Variants in SLC35F1 observed in about 807,000 individuals in gnomAD.
SLC35F1 encodes the protein chromosome 6 open reading frame 169.
Under a neutral mutation model 48.7 loss-of-function variants are expected in SLC35F1, and 14 were observed. The observed-to-expected ratio is 0.29, with a 90% CI of 0.19 to 0.45. The LOEUF (loss-of-function observed/expected upper bound fraction) is 0.45. Ranked by LOEUF, SLC35F1 falls within the 20% of genes least tolerant of loss-of-function variation. The probability of loss-of-function intolerance (pLI) is 1.00; values close to 1 mark genes in which losing one functional copy is unlikely to be tolerated. For missense variants in SLC35F1, 404 were observed against 500.0 expected, an observed-to-expected ratio of 0.81 and a Z score of 1.83; for synonymous variants, 190 against 202.2, an observed-to-expected ratio of 0.94 and a Z score of 0.51.
chr6:118,214,518 C>T (rs529988316), intron 2 of SLC35F1, among the ~76,000 whole-genome samples: 31 of 152,112 alleles, frequency 2.0e-4, no homozygotes, highest in African/African-American at 5.3e-4. Flanking sequence ...AGTCACCTTA[C>T]GCCAACCTTT....
intron 1 of SLC35F1, among the ~76,000 whole-genome samples, chr6:117,973,547 T>TTTTG (rs1215596149): frequency 6.6e-6 from 1 of 151,688 alleles, no homozygotes; most frequent in Non-Finnish European, 1.5e-5. Flanking sequence ...TTTATTATTA[T>TTTTG]TTTGTTTATT....
Position 117,930,950 on chromosome 6 carries a change from G to A in SLC35F1, c.173+23051G>A, listed in dbSNP as rs547983873. 9.2e-5 allele frequency among the ~76,000 whole-genome samples: 14 copies of A among 152,278 alleles called. No homozygotes were observed. The South Asian group carries it at 2.3e-3, about 25-fold the overall frequency. ...ATTAAAGGCATTGGTTCTGGGTCAGGCCATCTGAACTTGAGTCCTTTACCT... is the reference window on the plus strand; with the variant it reads ...ATTAAAGGCATTGGTTCTGGGTCAGACCATCTGAACTTGAGTCCTTTACCT... On this transcript the variant is annotated intron_variant, in intron 1 of 7. Coordinates refer to ENST00000360388, the MANE Select transcript of SLC35F1 (RefSeq NM_001029858.4).
chr6:117,908,632 G>T (rs1284826007), intron 1 of SLC35F1, among the ~76,000 whole-genome samples: 1 of 152,262 alleles, frequency 6.6e-6, no homozygotes, highest in African/African-American at 2.4e-5. Context: ...CTGCGTAGTG[G>T]ATTCAGGACG....
chr6:118,249,192 C>T (rs1191671863), intron 3 of SLC35F1, among the ~76,000 whole-genome samples: 1 of 152,338 alleles, frequency 6.6e-6, no homozygotes, highest in Non-Finnish European at 1.5e-5. Context: ...ACCCTCCAGG[C>T]AGGTTCGAAG....
chr6:117,983,404 G>A (rs1351618619), intron 1 of SLC35F1, among the ~76,000 whole-genome samples: 3 of 151,998 alleles, frequency 2.0e-5, no homozygotes, highest in East Asian at 1.9e-4. Flanking sequence ...GTGAAATCCC[G>A]TCTCTACTAA....
At chr6:117,926,319 C>A (rs1423060909) in intron 1 of SLC35F1, among the ~76,000 whole-genome samples, 1 of 152,044 alleles carries the variant, frequency 6.6e-6, no homozygotes, top group East Asian at 1.9e-4. Context: ...TGCTTTCTAC[C>A]GTAATTATAA....
At chr6:118,220,864 G>C (rs927162620) in intron 2 of SLC35F1, among the ~76,000 whole-genome samples, 5 of 152,166 alleles carry the variant, frequency 3.3e-5, no homozygotes, top group Non-Finnish European at 7.3e-5. Context: ...GCTTGGCATT[G>C]TCGAATGCCT....
chr6:118,240,050 A>C (rs1251891993), intron 3 of SLC35F1, among the ~76,000 whole-genome samples: 4 of 152,238 alleles, frequency 2.6e-5, no homozygotes, highest in Non-Finnish European at 5.9e-5. Context: ...TTGAACACAT[A>C]GTATGTGTTT....
chr6:118,018,383 A>C (rs1381805236), intron 1 of SLC35F1, among the ~76,000 whole-genome samples: 1 of 152,158 alleles, frequency 6.6e-6, no homozygotes, highest in East Asian at 1.9e-4. Flanking sequence ...AAAAAAAAAG[A>C]AAAAAGAAAA....
intron 1 of SLC35F1, among the ~76,000 whole-genome samples, chr6:118,093,257 A>G (rs749213122): frequency 2.0e-5 from 3 of 152,096 alleles, no homozygotes; most frequent in Non-Finnish European, 4.4e-5. Flanking sequence ...CGGTGCTTGC[A>G]GTGAGTGGAG....
chr6:118,193,108 C>T lies in SLC35F1; in HGVS notation c.349+38488C>T, dbSNP rs900338676. 4.6e-5 allele frequency among the ~76,000 whole-genome samples: 7 copies of T among 152,108 alleles called. No individual in the cohort carries two copies. The South Asian group carries it at 8.3e-4, about 18-fold the overall frequency. ...ATTCGAAAGGTAAACAAAAATCTTTCATTATCTTTTAATATTACATGAAAA... is the reference window on the plus strand; with the variant it reads ...ATTCGAAAGGTAAACAAAAATCTTTTATTATCTTTTAATATTACATGAAAA... On this transcript the variant is annotated intron_variant, in intron 2 of 7. Coordinates refer to ENST00000360388, the MANE Select transcript of SLC35F1 (RefSeq NM_001029858.4).
intron 1 of SLC35F1, among the ~76,000 whole-genome samples, chr6:118,003,327 T>G (rs1361542504): frequency 1.3e-5 from 2 of 152,184 alleles, no homozygotes; most frequent in African/African-American, 4.8e-5. Flanking sequence ...GTTTATGAGA[T>G]TCTATAAACA....
chr6:118,068,094 A>AAG (rs946755527), intron 1 of SLC35F1, among the ~76,000 whole-genome samples: 6 of 152,106 alleles, frequency 3.9e-5, no homozygotes, highest in African/African-American at 1.4e-4. Flanking sequence ...CTAGCTCCAG[A>AAG]AGAGAGAGAG....
intron 1 of SLC35F1, among the ~76,000 whole-genome samples, chr6:117,940,634 T>G (rs1215042570): frequency 2.0e-5 from 3 of 152,004 alleles, no homozygotes; most frequent in Non-Finnish European, 1.5e-5. Flanking sequence ...ATGTGCTTTT[T>G]TTTCTCCTTT....
chr6:118,033,893 A>G (rs1048645142), intron 1 of SLC35F1, among the ~76,000 whole-genome samples: 1 of 152,202 alleles, frequency 6.6e-6, no homozygotes, highest in Non-Finnish European at 1.5e-5. Context: ...CACCTTGTTC[A>G]TCGTTATATT....
At chr6:118,047,918 G>A (rs1772323926) in intron 1 of SLC35F1, among the ~76,000 whole-genome samples, 1 of 152,146 alleles carries the variant, frequency 6.6e-6, no homozygotes. Context: ...CCAACACTAT[G>A]TTGAATAGGA....
chr6:118,030,542 T>A (rs2114892457), intron 1 of SLC35F1, among the ~76,000 whole-genome samples: 1 of 152,188 alleles, frequency 6.6e-6, no homozygotes, highest in African/African-American at 2.4e-5. Context: ...GCTTAGGATC[T>A]CTTAAAAAGG....
At chr6:118,111,477 C>T (rs1773398921) in intron 1 of SLC35F1, among the ~76,000 whole-genome samples, 1 of 152,060 alleles carries the variant, frequency 6.6e-6, no homozygotes, top group Non-Finnish European at 1.5e-5. Flanking sequence ...CTCCACCAAC[C>T]TAAAATTCTA....
chr6:118,121,692 C>T (rs2501518), intron 1 of SLC35F1, among the ~76,000 whole-genome samples: 27,346 of 152,112 alleles, frequency 0.18, 2,629 homozygotes, highest in South Asian at 0.38. Context: ...TCAAGGGAAT[C>T]AAATTGCTCT....
Sources: allele counts gnomAD v4.1 joint callset (sites outside exome capture counted in the v4.1 genomes callset), GRCh38; gene constraint gnomAD v4.1.1; transcripts MANE v1.5; gene names NCBI Gene and HGNC (gene_info 2026-07-23, HGNC 2026-07-21).